Variants in CNGB3 observed in about 807,000 individuals in gnomAD.
CNGB3 encodes the protein cyclic nucleotide gated channel subunit beta 3.
A neutral mutation model predicts 92.8 loss-of-function variants in CNGB3; 86 were observed. The ratio of observed to expected loss-of-function variants is 0.93; its 90% CI spans 0.78 to 1.11. The LOEUF (loss-of-function observed/expected upper bound fraction) is 1.11, where lower values mean the gene tolerates loss of function less well. CNGB3 is among the 50% of genes least tolerant of loss of function. CNGB3 has a pLI of 0.00. For synonymous variants in CNGB3, 333 were observed against 332.7 expected (o/e 1.00, Z -0.01); for missense variants, 1,026 against 956.8 (o/e 1.07, Z -0.95).
At chr8:86,620,184 A>C (rs1412326599) in intron 13 of CNGB3, among the ~76,000 whole-genome samples, 1 of 152,190 alleles carries the variant, frequency 6.6e-6, no homozygotes, top group African/African-American at 2.4e-5. Flanking sequence ...CAGTCAGGTA[A>C]GTTGTTTGCT....
At chr8:86,675,117 C>G (rs1157657922) in intron 3 of CNGB3, among the ~76,000 whole-genome samples, 1 of 152,080 alleles carries the variant, frequency 6.6e-6, no homozygotes, top group Non-Finnish European at 1.5e-5. Flanking sequence ...CACCACCACA[C>G]CTGGCTAATT....
intron 13 of CNGB3, 144 bp from the exon 14 acceptor site, chr8:86,611,815 A>T (rs1822528355): frequency 3.0e-6 from 2 of 666,608 alleles, no homozygotes; most frequent in Admixed American, 5.7e-5. Context: ...TGGACATGTC[A>T]TGACTCAAAA....
intron 3 of CNGB3, among the ~76,000 whole-genome samples, chr8:86,721,494 C>T (rs1455238036): frequency 6.6e-6 from 1 of 152,034 alleles, no homozygotes; most frequent in African/African-American, 2.4e-5. Flanking sequence ...CAGAAATCAT[C>T]AGTAAAGGAC....
At chr8:86,620,387 C>G (rs1822701026) in intron 13 of CNGB3, among the ~76,000 whole-genome samples, 1 of 152,126 alleles carries the variant, frequency 6.6e-6, no homozygotes, top group South Asian at 2.1e-4. Flanking sequence ...GCTTGGCTTG[C>G]AGATGGCTAC....
At chr8:86,670,864 G>T (rs1043593676) in intron 4 of CNGB3, 80 bp downstream of exon 4, 1 of 1,451,518 alleles carries the variant, frequency 6.9e-7, no homozygotes, top group Non-Finnish European at 9.7e-7. Flanking sequence ...GCTTTTGGGA[G>T]ATCCAAACTA....
intron 14 of CNGB3, among the ~76,000 whole-genome samples, chr8:86,610,571 C>T (rs545389130): frequency 1.6e-3 from 242 of 152,262 alleles, no homozygotes; most frequent in African/African-American, 5.7e-3. Context: ...CTTACAACAG[C>T]GTGTGCTTGC....
chr8:86,723,602 T>TCTACA (rs1825011013), intron 3 of CNGB3, among the ~76,000 whole-genome samples: 1 of 152,104 alleles, frequency 6.6e-6, no homozygotes, highest in South Asian at 2.1e-4. Context: ...ACAGAAAGCT[T>TCTACA]TGGTCAGTTC....
chr8:86,680,645 G>A (rs545633969), intron 3 of CNGB3, among the ~76,000 whole-genome samples: 4 of 152,264 alleles, frequency 2.6e-5, no homozygotes, highest in East Asian at 3.9e-4. Flanking sequence ...TAGCAGGATG[G>A]CAACAATCAA....
intron 13 of CNGB3, among the ~76,000 whole-genome samples, chr8:86,618,454 A>T (rs1343104420): frequency 1.3e-5 from 2 of 152,208 alleles, no homozygotes; most frequent in Admixed American, 1.3e-4. Context: ...TACTGATATA[A>T]GTGCTTCATA....
chr8:86,575,954 A>G lies in CNGB3; in HGVS notation c.2280T>C (p.Pro760=), dbSNP rs754303041. The change falls in exon 18 of 18, where the codon CCT becomes CCC. Residue 760 remains proline (P), a synonymous_variant. Transcript: ENST00000320005. The part of the protein sequence containing the change: ...PLDRPECTAS[P]IAVEEEPHSV... The stretch of plus-strand genomic sequence containing the variant: ...AGTGGGGTTCTTCCTCCACTGCAAT[A>G]GGACTTGCTGTACATTCAGGTCTGT... The G allele has an allele frequency of 1.2e-6, 2 of 1,614,102 alleles. No homozygotes were observed. The highest frequency in any genetic ancestry group is 1.7e-6 in the Non-Finnish European group (2 of 1,179,996).
intron 3 of CNGB3, among the ~76,000 whole-genome samples, chr8:86,690,311 C>A (rs1824284844): frequency 6.6e-6 from 1 of 152,128 alleles, no homozygotes; most frequent in Admixed American, 6.5e-5. Context: ...CTCTGATGGC[C>A]AGTGATGATG....
chr8:86,627,298 G>A (rs1563731954), intron 12 of CNGB3, among the ~76,000 whole-genome samples: 1 of 152,076 alleles, frequency 6.6e-6, no homozygotes, highest in Non-Finnish European at 1.5e-5. Flanking sequence ...AGGGGTGCGA[G>A]GCAAGAAGCC....
chr8:86,618,189 A>C (rs569823709), intron 13 of CNGB3, among the ~76,000 whole-genome samples: 114 of 152,320 alleles, frequency 7.5e-4, no homozygotes, highest in African/African-American at 2.5e-3. Context: ...AGCAATGAGC[A>C]GTGGTTGTAA....
intron 6 of CNGB3, among the ~76,000 whole-genome samples, chr8:86,656,453 G>A (rs1459611446): frequency 6.6e-6 from 1 of 152,194 alleles, no homozygotes; most frequent in Non-Finnish European, 1.5e-5. Flanking sequence ...CTTCTTTAGA[G>A]CAGTAAATAA....
intron 4 of CNGB3, among the ~76,000 whole-genome samples, chr8:86,670,438 G>C (rs1158998583): frequency 6.6e-6 from 1 of 152,184 alleles, no homozygotes; most frequent in Non-Finnish European, 1.5e-5. Flanking sequence ...TACTGAAAGT[G>C]CTGGGGAGGT....
intron 15 of CNGB3, among the ~76,000 whole-genome samples, chr8:86,602,019 C>T (rs1563722838): frequency 6.6e-6 from 1 of 152,312 alleles, no homozygotes; most frequent in East Asian, 1.9e-4. Flanking sequence ...CAGCAATTAA[C>T]ATACTTGTAT....
intron 14 of CNGB3, 59 bp from the exon 15 acceptor site, chr8:86,604,270 A>G (rs1293151381): frequency 2.8e-6 from 3 of 1,057,462 alleles, no homozygotes; most frequent in Non-Finnish European, 4.4e-6. Context: ...ATTATGCTGT[A>G]AATTAAGAAA....
At chr8:86,603,258 G>A (rs546314719) in intron 15 of CNGB3, among the ~76,000 whole-genome samples, 1 of 152,246 alleles carries the variant, frequency 6.6e-6, no homozygotes, top group Admixed American at 6.5e-5. Flanking sequence ...AACTCTGTTA[G>A]GGGCCATATC....
At chr8:86,595,472 G>A (rs960844301) in intron 15 of CNGB3, among the ~76,000 whole-genome samples, 2 of 152,134 alleles carry the variant, frequency 1.3e-5, no homozygotes, top group Non-Finnish European at 2.9e-5. Flanking sequence ...CTTAGATGAG[G>A]TATACTTTTC....
Sources: allele counts gnomAD v4.1 joint callset (sites outside exome capture counted in the v4.1 genomes callset), GRCh38; gene constraint gnomAD v4.1.1; transcripts MANE v1.5; gene names NCBI Gene and HGNC (gene_info 2026-07-23, HGNC 2026-07-21).